Variants in UNC13D observed in about 807,000 individuals in gnomAD.
The protein encoded by UNC13D is unc-13 homolog D.
UNC13D carries 115 observed loss-of-function variants against 151.7 expected under a neutral mutation model. The observed-to-expected ratio is 0.76, with a 90% CI of 0.65 to 0.88. The LOEUF is 0.88. Among genes scored for constraint, UNC13D ranks in the 40% least tolerant of loss-of-function variants. The pLI is 0.00. For missense variants in UNC13D, 1,369 were observed against 1,438.7 expected, an observed-to-expected ratio of 0.95 and a Z score of 0.78; for synonymous variants, 588 against 612.2, an observed-to-expected ratio of 0.96 and a Z score of 0.58.
chr17:75,842,722 G>C, intron 5 of UNC13D, 109 bp from the exon 6 acceptor site: 2 of 1,597,426 alleles, frequency 1.3e-6, no homozygotes, highest in Non-Finnish European at 1.7e-6. Flanking sequence ...AGAGGGAAGG[G>C]GACCAGCAGC....
chr17:75,835,255 A>T, intron 20 of UNC13D, 154 bp downstream of exon 20: 1 of 1,357,010 alleles, frequency 7.4e-7, no homozygotes, highest in Non-Finnish European at 1.0e-6. Flanking sequence ...AAGGATATCC[A>T]GAGGCAGCGT....
In UNC13D at chr17:75,840,675, C is replaced by A; in HGVS notation, c.683+87G>T. 1 of 1,610,462 alleles carries A rather than the reference C, an allele frequency of 6.2e-7. No homozygotes were observed. ...CGCAGCCACCTGGACCCCAAAGGAG[C>A]CTGCACCCCAGCATCCAGTGTGCAT... is the stretch of plus-strand genomic sequence containing the variant. On this transcript the variant is annotated intron_variant, in intron 8 of 31. Coordinates refer to ENST00000207549, the MANE Select transcript of UNC13D (RefSeq NM_199242.3). This position sits in a 1 kb window ranked among gnomAD's most constrained non-coding sequence, Gnocchi z 4.6.
chr17:75,842,897 T>C lies in UNC13D; in HGVS notation c.348A>G (p.Thr116=), dbSNP rs778891946. The C allele has an allele frequency of 1.5e-5, 25 of 1,613,584 alleles. 1 individual carries two copies. The highest frequency in any genetic ancestry group is 2.1e-5 in the Non-Finnish European group (25 of 1,180,026). The change falls in exon 5 of 32, where the codon ACA becomes ACG. Residue 116 remains threonine (T), a synonymous_variant. Transcript: ENST00000207549. ...LEKPIFCLKA[T]VKQAKGILGK... ...CCAGAATGCCCTTGGCCTGTTTCAC[T>C]GTTGCCTTCAGACAAAATATTGGCT...
Position 75,842,696 on chromosome 17 carries a change from G to A in UNC13D, c.389-83C>T, listed in dbSNP as rs75278784. ...GCCCTCATCACCCCCGCCCGGGGCT[G>A]AGCCTCCTCCGGGGGAGAGGGAAGG... On this transcript the variant is annotated intron_variant, in intron 5 of 31. Transcript: ENST00000207549. 6.2e-3 allele frequency: 10,027 copies of A among 1,604,740 alleles called. 354 individuals carry two copies. The African/African-American group carries it at 0.089, about 14-fold the overall frequency.
At chr17:75,831,527 G>A (rs2064872883) in intron 25 of UNC13D, 179 bp from the exon 26 acceptor site, 2 of 621,460 alleles carry the variant, frequency 3.2e-6, no homozygotes, top group Non-Finnish European at 5.7e-6. Context: ...GTGGGTACAG[G>A]ACCAGCAAGG....
At chr17:75,839,662 C>T (rs1356962044) in intron 12 of UNC13D, among the ~76,000 whole-genome samples, 177 bp downstream of exon 12, 1 of 152,108 alleles carries the variant, frequency 6.6e-6, no homozygotes, top group Non-Finnish European at 1.5e-5. Flanking sequence ...AGTGAGCCAC[C>T]GCATCAGCCG....
chr17:75,843,096 G>A, intron 3 of UNC13D, 23 bp from the exon 4 acceptor site: 1 of 1,603,714 alleles, frequency 6.2e-7, no homozygotes. Flanking sequence ...CAGGCGGGTG[G>A]GTGGCTGGGG....
At position 75,840,133 on chromosome 17, in the gene UNC13D, A is replaced by C. The variant is rs1188581229; in HGVS notation, c.859-23T>G. On this transcript the variant is annotated intron_variant, in intron 10 of 31. Coordinates refer to ENST00000207549, the MANE Select transcript of UNC13D (RefSeq NM_199242.3). This position sits in a 1 kb window ranked among gnomAD's most constrained non-coding sequence, Gnocchi z 4.6. ...TCTCTGCAATGAGGCCTCTGTGAGC[A>C]GACAGGGCCTCACACTGGGTGCAGC... is the stretch of plus-strand genomic sequence containing the variant. The C allele has an allele frequency of 6.2e-7, 1 of 1,611,744 alleles. No homozygotes were observed. Among genetic ancestry groups the C allele is most frequent in the Non-Finnish European group, 8.5e-7 (1 of 1,179,198 alleles).
At position 75,835,925 on chromosome 17, in the gene UNC13D, G is replaced by A. The variant is rs756703973; in HGVS notation, c.1545-19C>T. ...GAGGGTACTGGAGGAAAGGCAGCAG[G>A]TGTCACCCAGTGGCATACACCAGGG... On this transcript the variant is annotated intron_variant, in intron 17 of 31. Transcript: ENST00000207549. 1 of 1,614,180 alleles carries A rather than the reference G, an allele frequency of 6.2e-7. No individual in the cohort carries two copies. The highest frequency in any genetic ancestry group is 8.5e-7 in the Non-Finnish European group (1 of 1,180,038).
At position 75,830,454 on chromosome 17, in the gene UNC13D, G is replaced by T; in HGVS notation, c.2738C>A (p.Ala913Asp). The change falls in exon 29 of 32, where the codon GCT (alanine) becomes GAT (aspartate). Residue 913 changes from alanine to aspartate, a missense_variant. Transcript: ENST00000207549. ...GCGGTAGGAGGCCTTGACTGTCACA[G>T]CCCCCAGCTCCTCAGAGGTGGTTTC... The part of the protein sequence containing the change: ...QAETTSEELG[A>D]VTVKASYRAS... 1 of 1,588,242 alleles carries T rather than the reference G, an allele frequency of 6.3e-7. No individual in the cohort carries two copies. The highest frequency in any genetic ancestry group is 1.8e-5 in the Admixed American group (1 of 56,066).
At chr17:75,841,180 TC>T (rs2064946579) in intron 6 of UNC13D, 179 bp from the exon 7 acceptor site, 2 of 619,984 alleles carry the variant, frequency 3.2e-6, no homozygotes, top group South Asian at 2.0e-5. Context: ...TCTAGTTCTG[TC>T]CCCCAGGCTG....
Position 75,830,440 on chromosome 17 carries a change from C to A in UNC13D, c.2752G>T (p.Ala918Ser). 1 of 1,586,004 alleles carries A rather than the reference C, an allele frequency of 6.3e-7. No individual in the cohort carries two copies. Among genetic ancestry groups the A allele is most frequent in the Non-Finnish European group, 8.6e-7 (1 of 1,167,098 alleles). The change falls in exon 29 of 32, where the codon GCC becomes TCC. Residue 918 changes from alanine to serine, a missense_variant. Ala to Ser is a moderately conservative substitution (Grantham distance 99). This residue lies in a region of UNC13D where 807 missense variants were observed against 795.5 expected (regional missense o/e 1.01). Coordinates refer to ENST00000207549, the MANE Select transcript of UNC13D (RefSeq NM_199242.3). ...TTCTGCTCAGAGGCGCGGTAGGAGG[C>A]CTTGACTGTCACAGCCCCCAGCTCC... is the stretch of plus-strand genomic sequence containing the variant. Reference protein sequence around the residue: ...SEELGAVTVKASYRASEQKLR... With the variant: ...SEELGAVTVKSSYRASEQKLR...
chr17:75,828,221 C>T (rs2062137529), intron 31 of UNC13D, 135 bp from the exon 32 acceptor site: 3 of 1,342,706 alleles, frequency 2.2e-6, no homozygotes, highest in East Asian at 2.5e-5. Context: ...AGTGACAGAC[C>T]CGCGCCAGCC....
intron 18 of UNC13D, 38 bp from the exon 19 acceptor site, chr17:75,835,815 C>T (rs1463928241): frequency 6.2e-7 from 1 of 1,614,036 alleles, no homozygotes; most frequent in Non-Finnish European, 8.5e-7. Flanking sequence ...GCCCACAGCT[C>T]TGTTGGAGGG....
At position 75,836,820 on chromosome 17, in the gene UNC13D, C is replaced by A; in HGVS notation, c.1154G>T (p.Gly385Val). ...ITSIEYQWIQGRLKAEQQEEL... is the reference protein window; with the variant it reads ...ITSIEYQWIQVRLKAEQQEEL... Reference sequence around the variant, plus strand: ...GCCTACCTGTTCTGCCTTGAGCCGACCCTGGATCCACTGGTACTCGATGCT... The same window carrying A: ...GCCTACCTGTTCTGCCTTGAGCCGAACCTGGATCCACTGGTACTCGATGCT... The change falls in exon 13 of 32, where the codon GGT (glycine) becomes GTT (valine). Residue 385 changes from glycine to valine, a missense_variant. By Grantham distance (109) the Gly-to-Val change is moderately radical (BLOSUM62 -3). This residue lies in a region of UNC13D where 550 missense variants were observed against 609.0 expected (regional missense o/e 0.90). Transcript: ENST00000207549. The A allele has an allele frequency of 6.2e-7, 1 of 1,613,992 alleles. No homozygotes were observed. Among genetic ancestry groups the A allele is most frequent in the Non-Finnish European group, 8.5e-7 (1 of 1,180,042 alleles).
intron 21 of UNC13D, 85 bp from the exon 22 acceptor site, chr17:75,834,801 C>G (rs2064895665): frequency 6.2e-7 from 1 of 1,607,868 alleles, no homozygotes; most frequent in South Asian, 1.1e-5. Flanking sequence ...ATTTCAGCGA[C>G]TTGGGGGATT....
chr17:75,838,916 C>A (rs562320756), intron 12 of UNC13D, among the ~76,000 whole-genome samples: 6 of 151,842 alleles, frequency 4.0e-5, no homozygotes, highest in Non-Finnish European at 8.8e-5. Context: ...CTGGCTAACA[C>A]GGTGAAACCC....
At chr17:75,830,312 G>A (rs762554409) in intron 29 of UNC13D, 50 bp downstream of exon 29, 10 of 1,582,024 alleles carry the variant, frequency 6.3e-6, no homozygotes, top group Non-Finnish European at 8.6e-6. Flanking sequence ...GCTGAGACAG[G>A]AGGGCCAGGA....
chr17:75,843,359 G>T, intron 2 of UNC13D, 93 bp from the exon 3 acceptor site: 1 of 1,572,740 alleles, frequency 6.4e-7, no homozygotes, highest in Non-Finnish European at 8.6e-7. Context: ...CTTGTGCAGC[G>T]GAGGGAGTTG....
Sources: allele counts gnomAD v4.1 joint callset (sites outside exome capture counted in the v4.1 genomes callset), GRCh38; gene constraint gnomAD v4.1.1; regional missense constraint gnomAD v4.1.1; non-coding constraint Gnocchi (gnomAD v3.1); transcripts MANE v1.5; gene names NCBI Gene and HGNC (gene_info 2026-07-23, HGNC 2026-07-21).